The following ECT2 variants were observed in gnomAD, a reference collection of about 807,000 sequenced individuals.
The protein encoded by ECT2 is protein ECT2.
In ECT2, 61 loss-of-function variants were observed where a neutral mutation model predicts 116.9. The ratio of observed to expected loss-of-function variants is 0.52; its 90% CI spans 0.42 to 0.65. ECT2 has a LOEUF of 0.65. Among genes scored for constraint, ECT2 ranks in the 30% least tolerant of loss-of-function variants. The pLI is 0.00. For missense variants in ECT2, 937 were observed against 1,078.7 expected (o/e 0.87, Z 1.84); for synonymous variants, 358 against 346.4 (o/e 1.03, Z -0.37).
intron 20 of ECT2, among the ~76,000 whole-genome samples, chr3:172,803,894 TC>T (rs1486583197): frequency 6.6e-6 from 1 of 152,094 alleles, no homozygotes. Flanking sequence ...AGCCTTGACT[TC>T]CTGGGCTCTG....
Position 172,755,382 on chromosome 3 carries a change from GT to G in ECT2, c.210+12del. On this transcript the variant is annotated intron_variant, in intron 3 of 24. Coordinates refer to ENST00000392692, the MANE Select transcript of ECT2 (RefSeq NM_001258315.2). Reference sequence around the variant, plus strand: ...CTTATAAAAGCCTTAAAGGTACGGAGTTTTAGGTTTTAGTTTTTTTTGTAAT... The same window carrying G: ...CTTATAAAAGCCTTAAAGGTACGGAGTTTAGGTTTTAGTTTTTTTTGTAAT... 6.3e-7 allele frequency: 1 copy of G among 1,589,200 alleles called. No individual in the cohort carries two copies. Among genetic ancestry groups the G allele is most frequent in the Admixed American group, 1.9e-5 (1 of 52,180 alleles).
chr3:172,806,961 A>G (rs1425945065), intron 21 of ECT2, among the ~76,000 whole-genome samples: 1 of 152,120 alleles, frequency 6.6e-6, no homozygotes, highest in African/African-American at 2.4e-5. Flanking sequence ...ATTCTTAAAG[A>G]AAACTTGAAC....
intron 14 of ECT2, among the ~76,000 whole-genome samples, chr3:172,774,616 C>T (rs372435660): frequency 5.3e-5 from 8 of 152,176 alleles, no homozygotes; most frequent in African/African-American, 1.9e-4. Context: ...CAGCCTCTCC[C>T]GAAGTAACTG....
At chr3:172,758,079 C>T (rs548518872) in intron 5 of ECT2, among the ~76,000 whole-genome samples, 17 of 152,138 alleles carry the variant, frequency 1.1e-4, no homozygotes, top group Admixed American at 9.2e-4. Context: ...AGGCTGGTCT[C>T]GAACTCTTGA....
chr3:172,786,166 T>A (rs1723577337), intron 17 of ECT2, among the ~76,000 whole-genome samples: 1 of 152,214 alleles, frequency 6.6e-6, no homozygotes, highest in African/African-American at 2.4e-5. Flanking sequence ...TTATGATTTC[T>A]GAGCTTATTG....
At chr3:172,761,284 GTCT>G (rs1180026155) in intron 7 of ECT2, among the ~76,000 whole-genome samples, 3 of 152,102 alleles carry the variant, frequency 2.0e-5, no homozygotes, top group Admixed American at 1.3e-4. Flanking sequence ...TTAGTCGGAT[GTCT>G]TCTTCTGTAG....
chr3:172,768,233 A>G (rs1043511311), intron 12 of ECT2, among the ~76,000 whole-genome samples: 1 of 152,088 alleles, frequency 6.6e-6, no homozygotes, highest in African/African-American at 2.4e-5. Context: ...AATCACAACA[A>G]CCTTTTCCTC....
rs781613717 is a variant in ECT2, at chr3:172,805,880, C to T, written c.2245+11C>T. On this transcript the variant is annotated intron_variant, in intron 21 of 24. Transcript: ENST00000392692. ...TAAGAGAGACAGAAGGTATGCCGGT[C>T]GGATACATTCTTGGTTATATAAAAA... 9.4e-5 allele frequency: 152 copies of T among 1,609,714 alleles called. 1 individual carries two copies. The South Asian group carries it at 1.5e-3, about 15-fold the overall frequency.
intron 12 of ECT2, among the ~76,000 whole-genome samples, chr3:172,768,138 G>T (rs1719873676): frequency 6.6e-6 from 1 of 152,090 alleles, no homozygotes; most frequent in Non-Finnish European, 1.5e-5. Context: ...AACTACCAAA[G>T]AATTTTCAGT....
At position 172,809,101 on chromosome 3, in the gene ECT2, T is replaced by C. The variant is rs1728273069; in HGVS notation, c.2400+1177T>C. On this transcript the variant is annotated intron_variant, in intron 22 of 24. Transcript: ENST00000392692. The stretch of plus-strand genomic sequence containing the variant: ...TTTTTTTGTAGGTATCCATCCACTT[T>C]TTCTAGGTATCCATATATAAAATGG... Among the ~76,000 whole-genome samples the C allele has an allele frequency of 2.0e-5, 3 of 152,148 alleles. No homozygotes were observed. The South Asian group carries it at 6.2e-4, about 32-fold the overall frequency.
rs748139962 is a variant in ECT2 at position 172,783,862 on chromosome 3, A to T, written c.1681A>T (p.Ile561Phe). 5 of 1,607,254 alleles carry T rather than the reference A, an allele frequency of 3.1e-6. No homozygotes were observed. Among genetic ancestry groups the T allele is most frequent in the Admixed American group, 1.7e-5 (1 of 59,018 alleles). Residue 561 changes from isoleucine (I) to phenylalanine (F), a missense_variant, in exon 16 of 25, where the codon ATT becomes TTT. Coordinates refer to ENST00000392692, the MANE Select transcript of ECT2 (RefSeq NM_001258315.2). ...CTTCTTTGAAATGAGCAAGGAAACAATTATTAAATGTGAAAAACAGAAACC... is the reference window on the plus strand; with the variant it reads ...CTTCTTTGAAATGAGCAAGGAAACATTTATTAAATGTGAAAAACAGAAACC... ...VNFFEMSKET[I>F]IKCEKQKPRF...
intron 15 of ECT2, 128 bp from the exon 16 acceptor site, chr3:172,783,671 G>T: frequency 1.6e-6 from 1 of 620,934 alleles, no homozygotes; most frequent in Non-Finnish European, 2.8e-6. Context: ...CTCAAACATA[G>T]AAATTTACTT....
Position 172,802,937 on chromosome 3 carries a change from G to T in ECT2, c.2063G>T (p.Arg688Ile). 6.2e-7 allele frequency: 1 copy of T among 1,613,088 alleles called. No homozygotes were observed. The highest frequency in any genetic ancestry group is 8.5e-7 in the Non-Finnish European group (1 of 1,179,508). Residue 688 changes from arginine (R) to isoleucine (I), a missense_variant, in exon 20 of 25, where the codon AGA (arginine) becomes ATA (isoleucine). By Grantham distance (97) the Arg-to-Ile change is moderately conservative (BLOSUM62 -3). Transcript: ENST00000392692. Reference protein sequence around the residue: ...TISLGEHPCDRGEQVTLFLFN... With the variant: ...TISLGEHPCDIGEQVTLFLFN... ...TCTCTAGGTGAGCACCCCTGTGACA[G>T]AGGAGAACAAGTAACTCTCTTCCTC... is the stretch of plus-strand genomic sequence containing the variant.
chr3:172,802,804 T>C, intron 19 of ECT2, 57 bp from the exon 20 acceptor site: 1 of 1,560,066 alleles, frequency 6.4e-7, no homozygotes, highest in Non-Finnish European at 8.7e-7. Context: ...AATTACAACT[T>C]CTTAAAAATT....
At chr3:172,816,990 C>A (rs755214751) in intron 24 of ECT2, among the ~76,000 whole-genome samples, 153 bp downstream of exon 24, 2 of 151,850 alleles carry the variant, frequency 1.3e-5, no homozygotes, top group South Asian at 2.1e-4. Flanking sequence ...CATTTGAATG[C>A]GAATCAATGT....
intron 1 of ECT2, chr3:172,752,613 T>C (rs1340455486): frequency 3.3e-5 from 5 of 152,176 alleles, no homozygotes; most frequent in South Asian, 4.1e-4. Flanking sequence ...AATTTATCAT[T>C]GATTCTAAAT....
intron 20 of ECT2, 119 bp from the exon 21 acceptor site, chr3:172,805,612 C>A: frequency 1.0e-6 from 1 of 999,520 alleles, no homozygotes; most frequent in Non-Finnish European, 1.4e-6. Context: ...AACTTTGTAA[C>A]GAATAATAAC....
chr3:172,764,427 A>T lies in ECT2; in HGVS notation c.1218A>T (p.Ser406=), dbSNP rs754637325. Residue 406 remains serine (S), a synonymous_variant, in exon 12 of 25, where the codon TCA becomes TCT. Transcript: ENST00000392692. The part of the protein sequence containing the change: ...VSPFPPRKRP[S]AEHSLSIGSL... Reference sequence around the variant, plus strand: ...CATTTCCACCCCGTAAGCGCCCATCAGCTGAGCATTCCCTTTCCATAGGGT... The same window carrying T: ...CATTTCCACCCCGTAAGCGCCCATCTGCTGAGCATTCCCTTTCCATAGGGT... The T allele has an allele frequency of 6.2e-7, 1 of 1,614,206 alleles. No homozygotes were observed. The highest frequency in any genetic ancestry group is 2.2e-5 in the East Asian group (1 of 44,882).
intron 17 of ECT2, among the ~76,000 whole-genome samples, chr3:172,786,104 C>T (rs1559982735): frequency 6.6e-6 from 1 of 152,034 alleles, no homozygotes; most frequent in Admixed American, 6.6e-5. Flanking sequence ...TTAAAGATAC[C>T]AGATGCTCTC....
Sources: gnomAD v4.1 joint callset for allele counts (sites outside exome capture counted in the v4.1 genomes callset) on GRCh38, gnomAD v4.1.1 for gene constraint, MANE v1.5 for transcripts, NCBI Gene and HGNC (gene_info 2026-07-23, HGNC 2026-07-21) for gene names.